LRP1B: variants seen among roughly 807,000 people sequenced by gnomAD.
LRP1B encodes the protein LDL receptor related protein 1B, also known as low-density lipoprotein receptor-related protein 1B.
A neutral mutation model predicts 556.6 loss-of-function variants in LRP1B; 217 were observed. That is an observed-to-expected ratio of 0.39 (90% CI 0.35 to 0.44). The LOEUF is 0.44. LRP1B is among the 20% of genes least tolerant of loss of function. The probability of loss-of-function intolerance (pLI) is 1.00; values close to 1 mark genes in which losing one functional copy is unlikely to be tolerated. For synonymous variants in LRP1B, 2,047 were observed against 1,865.8 expected (o/e 1.10, Z -2.50); for missense variants, 5,053 against 5,620.8 (o/e 0.90, Z 3.23).
chr2:140,542,194 A>G (rs1237784451), intron 43 of LRP1B, among the ~76,000 whole-genome samples: 1 of 152,076 alleles, frequency 6.6e-6, no homozygotes, highest in Non-Finnish European at 1.5e-5. Flanking sequence ...TTTACATAAT[A>G]TTTCAAGTAT....
intron 1 of LRP1B, among the ~76,000 whole-genome samples, chr2:141,830,578 G>C (rs1010125669): frequency 1.1e-4 from 17 of 151,566 alleles, no homozygotes; most frequent in Non-Finnish European, 3.0e-5. Context: ...AAAACTAAGT[G>C]TTTCTTTTAC....
chr2:140,457,827 G>A (rs556942915), intron 60 of LRP1B, among the ~76,000 whole-genome samples, 176 bp from the exon 61 acceptor site: 6 of 152,216 alleles, frequency 3.9e-5, no homozygotes, highest in Admixed American at 2.0e-4. Context: ...GCAGGATTGG[G>A]CACAGGAGCT....
intron 65 of LRP1B, 112 bp from the exon 66 acceptor site, chr2:140,442,735 T>C (rs1331384446): frequency 9.9e-7 from 1 of 1,008,516 alleles, no homozygotes; most frequent in African/African-American, 1.7e-5. Context: ...GTATTGTCTT[T>C]AAATTAATAG....
intron 84 of LRP1B, among the ~76,000 whole-genome samples, chr2:140,276,477 AGTT>A (rs1682677634): frequency 6.6e-6 from 1 of 151,990 alleles, no homozygotes; most frequent in East Asian, 1.9e-4. Context: ...TGGTTTCTGT[AGTT>A]GTTCTAGGCT....
intron 2 of LRP1B, among the ~76,000 whole-genome samples, chr2:141,734,610 C>A (rs1159120844): frequency 6.6e-6 from 1 of 151,998 alleles, no homozygotes. Flanking sequence ...ATTAAGTTTT[C>A]TTTTGGTTTC....
At chr2:140,673,972 A>G (rs141363814) in intron 41 of LRP1B, among the ~76,000 whole-genome samples, 4,508 of 142,874 alleles carry the variant, frequency 0.032, 206 homozygotes, top group African/African-American at 0.098. Flanking sequence ...TTTTTGCGAC[A>G]GAGTCTTGCT....
At chr2:141,551,798 G>A (rs1425317661) in intron 2 of LRP1B, among the ~76,000 whole-genome samples, 1 of 151,932 alleles carries the variant, frequency 6.6e-6, no homozygotes, top group African/African-American at 2.4e-5. Flanking sequence ...GTGGATTGAT[G>A]GATCATAATG....
At chr2:140,537,899 T>A (rs1679984445) in intron 45 of LRP1B, among the ~76,000 whole-genome samples, 1 of 152,102 alleles carries the variant, frequency 6.6e-6, no homozygotes. Flanking sequence ...AGTAATAGAT[T>A]TACTAGCAAA....
intron 1 of LRP1B, among the ~76,000 whole-genome samples, chr2:141,885,910 C>A (rs1699097466): frequency 6.6e-6 from 1 of 152,136 alleles, no homozygotes; most frequent in African/African-American, 2.4e-5. Context: ...CAAGAAACTG[C>A]CATTGATGAA....
chr2:140,892,625 C>T (rs986310721), intron 23 of LRP1B, among the ~76,000 whole-genome samples: 1 of 152,112 alleles, frequency 6.6e-6, no homozygotes, highest in Non-Finnish European at 1.5e-5. Context: ...ACTGGTTCTA[C>T]TTAGTCATTG....
At chr2:140,410,740 A>G (rs1373530632) in intron 66 of LRP1B, among the ~76,000 whole-genome samples, 1 of 152,160 alleles carries the variant, frequency 6.6e-6, no homozygotes, top group Non-Finnish European at 1.5e-5. Flanking sequence ...ATGCATTACT[A>G]CAAACAGCAA....
intron 51 of LRP1B, among the ~76,000 whole-genome samples, chr2:140,510,744 T>G (rs1029630081): frequency 9.9e-5 from 15 of 152,214 alleles, no homozygotes; most frequent in African/African-American, 3.6e-4. Flanking sequence ...GAATCTACCT[T>G]TGCTCTATCA....
intron 2 of LRP1B, among the ~76,000 whole-genome samples, chr2:141,492,843 C>G (rs1429073722): frequency 6.6e-6 from 1 of 152,116 alleles, no homozygotes; most frequent in Non-Finnish European, 1.5e-5. Flanking sequence ...TTTTATGTTT[C>G]AGACCCAAAG....
chr2:141,882,221 C>A (rs187763466), intron 1 of LRP1B, among the ~76,000 whole-genome samples: 2 of 152,088 alleles, frequency 1.3e-5, no homozygotes, highest in South Asian at 4.1e-4. Context: ...CCAAAGCCCA[C>A]GGGTTGGAGA....
At chr2:141,052,040 T>C (rs924710215) in intron 10 of LRP1B, among the ~76,000 whole-genome samples, 23 of 152,162 alleles carry the variant, frequency 1.5e-4, no homozygotes, top group African/African-American at 5.5e-4. Flanking sequence ...ATTTGATATA[T>C]AATAATTTAC....
chr2:141,610,174 T>C (rs941545743), intron 2 of LRP1B, among the ~76,000 whole-genome samples: 1 of 151,964 alleles, frequency 6.6e-6, no homozygotes, highest in African/African-American at 2.4e-5. Flanking sequence ...AGAAACCCTA[T>C]TTCGTGGGGG....
At chr2:141,828,913 G>T (rs1697022244) in intron 1 of LRP1B, among the ~76,000 whole-genome samples, 1 of 152,000 alleles carries the variant, frequency 6.6e-6, no homozygotes, top group Non-Finnish European at 1.5e-5. Context: ...TAAGAGCGTT[G>T]ATTCAGTTAT....
At chr2:141,750,554 G>A (rs2105565763) in intron 2 of LRP1B, among the ~76,000 whole-genome samples, 1 of 152,154 alleles carries the variant, frequency 6.6e-6, no homozygotes, top group East Asian at 1.9e-4. Flanking sequence ...TTTTATTACT[G>A]TATTCACACC....
intron 87 of LRP1B, among the ~76,000 whole-genome samples, chr2:140,240,181 G>T (rs1309542225): frequency 6.7e-6 from 1 of 150,164 alleles, no homozygotes; most frequent in African/African-American, 2.4e-5. Context: ...CACAGAATTA[G>T]GGGGTGAAGA....
Sources: allele counts gnomAD v4.1 joint callset (sites outside exome capture counted in the v4.1 genomes callset), GRCh38; gene constraint gnomAD v4.1.1; transcripts MANE v1.5; gene names NCBI Gene and HGNC (gene_info 2026-07-23, HGNC 2026-07-21).